Variants in SLC35F1 observed in about 807,000 individuals in gnomAD.
SLC35F1 encodes the protein chromosome 6 open reading frame 169.
Under a neutral mutation model 48.7 loss-of-function variants are expected in SLC35F1, and 14 were observed. The observed-to-expected ratio is 0.29, with a 90% confidence interval of 0.19 to 0.45. SLC35F1 has a LOEUF of 0.45. SLC35F1 is among the 20% of genes least tolerant of loss of function. SLC35F1 has a pLI of 1.00. For missense variants in SLC35F1, 404 were observed against 500.0 expected (o/e 0.81, Z 1.83); for synonymous variants, 190 against 202.2 (o/e 0.94, Z 0.51).
chr6:118,270,136 C>T (rs376995126), intron 4 of SLC35F1, among the ~76,000 whole-genome samples: 1 of 152,252 alleles, frequency 6.6e-6, no homozygotes, highest in Non-Finnish European at 1.5e-5. Flanking sequence ...GTTTCATCTT[C>T]GTTTGGGATT....
At chr6:117,917,000 T>C (rs181507516) in intron 1 of SLC35F1, among the ~76,000 whole-genome samples, 1 of 152,164 alleles carries the variant, frequency 6.6e-6, no homozygotes, top group Admixed American at 6.5e-5. Context: ...AATAAAAACA[T>C]GAAAAAGGTA....
Position 118,144,615 on chromosome 6 carries a change from A to G in SLC35F1, c.174-9830A>G, listed in dbSNP as rs538405930. On this transcript the variant is annotated intron_variant, in intron 1 of 7. Transcript: ENST00000360388. The stretch of plus-strand genomic sequence containing the variant: ...AAAAAAAAAAAATTGAAAATGTTAA[A>G]AAAAAAAAAAACCTTACCTTGTCAG... Among the ~76,000 whole-genome samples, 155 of 127,572 alleles carry G rather than the reference A, an allele frequency of 1.2e-3. 1 individual carries two copies. The East Asian group carries it at 0.042, about 35-fold the overall frequency. The allele number at this position is 127,572 out of a possible 152,430, so 83.7% of individuals were successfully genotyped here.
intron 4 of SLC35F1, among the ~76,000 whole-genome samples, chr6:118,268,718 C>T (rs182412533): frequency 4.9e-4 from 73 of 149,778 alleles, no homozygotes; most frequent in African/African-American, 1.6e-3. Context: ...CAAGTGATTC[C>T]CCTGCCTCAG....
chr6:118,235,373 T>C, intron 2 of SLC35F1, 136 bp from the exon 3 acceptor site: 2 of 893,284 alleles, frequency 2.2e-6, no homozygotes, highest in Non-Finnish European at 3.2e-6. Context: ...ATCTGATACG[T>C]TGATTTATTT....
chr6:118,089,210 G>A (rs747435301), intron 1 of SLC35F1, among the ~76,000 whole-genome samples: 11 of 152,216 alleles, frequency 7.2e-5, no homozygotes, highest in Non-Finnish European at 8.8e-5. Flanking sequence ...ACTAATATGC[G>A]GAAGACTCAG....
chr6:118,123,276 C>T (rs939772504), intron 1 of SLC35F1, among the ~76,000 whole-genome samples: 8 of 152,148 alleles, frequency 5.3e-5, no homozygotes, highest in African/African-American at 1.4e-4. Context: ...AACAGTCTCA[C>T]TTTTGCCTAA....
At chr6:118,166,954 G>A (rs1203620939) in intron 2 of SLC35F1, among the ~76,000 whole-genome samples, 1 of 152,126 alleles carries the variant, frequency 6.6e-6, no homozygotes, top group Non-Finnish European at 1.5e-5. Context: ...CTTCCAGAAG[G>A]CTCCAAACTG....
At chr6:118,303,615 G>A (rs1284738560) in intron 7 of SLC35F1, among the ~76,000 whole-genome samples, 1 of 152,184 alleles carries the variant, frequency 6.6e-6, no homozygotes, top group Non-Finnish European at 1.5e-5. Flanking sequence ...GCTTCTCTGA[G>A]GGGTTGGTGT....
intron 1 of SLC35F1, among the ~76,000 whole-genome samples, chr6:117,994,937 C>T (rs952591202): frequency 2.0e-5 from 3 of 152,148 alleles, no homozygotes; most frequent in Non-Finnish European, 4.4e-5. Context: ...ATGCCAATGC[C>T]TTATCACTCA....
chr6:118,034,196 CT>C (rs1042162084), intron 1 of SLC35F1, among the ~76,000 whole-genome samples: 1 of 151,930 alleles, frequency 6.6e-6, no homozygotes, highest in Non-Finnish European at 1.5e-5. Flanking sequence ...GTCACTGTTA[CT>C]TTTTTTTAAA....
At chr6:117,918,861 T>G (rs1211190971) in intron 1 of SLC35F1, among the ~76,000 whole-genome samples, 1 of 151,718 alleles carries the variant, frequency 6.6e-6, no homozygotes, top group Non-Finnish European at 1.5e-5. Flanking sequence ...GAGTGGGGTA[T>G]GAGAGAGAGA....
At chr6:118,286,197 C>T (rs1228926185) in intron 7 of SLC35F1, among the ~76,000 whole-genome samples, 1 of 152,114 alleles carries the variant, frequency 6.6e-6, no homozygotes, top group Non-Finnish European at 1.5e-5. Context: ...ACTTGGATAG[C>T]TGAAAGAAGA....
chr6:117,915,026 A>G (rs1357511294), intron 1 of SLC35F1, among the ~76,000 whole-genome samples: 3 of 152,256 alleles, frequency 2.0e-5, no homozygotes, highest in African/African-American at 2.4e-5. Context: ...GGTCCTTGCC[A>G]TGTAACTCAA....
At chr6:118,150,895 CT>C (rs750164054) in intron 1 of SLC35F1, among the ~76,000 whole-genome samples, 1 of 152,100 alleles carries the variant, frequency 6.6e-6, no homozygotes, top group Non-Finnish European at 1.5e-5. Context: ...TCACCATTTC[CT>C]TTTCACTTAG....
intron 1 of SLC35F1, among the ~76,000 whole-genome samples, chr6:118,061,582 G>C (rs1438758661): frequency 3.2e-5 from 3 of 93,334 alleles, no homozygotes; most frequent in Non-Finnish European, 5.0e-5. Flanking sequence ...TTGTGTGTGT[G>C]TGTGTGTGTA....
intron 1 of SLC35F1, among the ~76,000 whole-genome samples, chr6:118,047,164 TGCTGTTTCCTAC>T (rs1264695083): frequency 2.0e-5 from 3 of 152,180 alleles, no homozygotes; most frequent in Non-Finnish European, 2.9e-5. Context: ...TGAAACTTTC[TGCTGTTTCCTAC>T]GCCATCAATT....
chr6:118,149,361 A>G (rs562027795), intron 1 of SLC35F1, among the ~76,000 whole-genome samples: 3 of 152,338 alleles, frequency 2.0e-5, no homozygotes, highest in South Asian at 4.1e-4. Context: ...CAGAGAGAGC[A>G]GGGAGAACAT....
At chr6:118,237,719 A>T (rs1775383884) in intron 3 of SLC35F1, among the ~76,000 whole-genome samples, 1 of 152,176 alleles carries the variant, frequency 6.6e-6, no homozygotes, top group Non-Finnish European at 1.5e-5. Context: ...GATAGTTATA[A>T]TGTCCTTCAT....
intron 1 of SLC35F1, among the ~76,000 whole-genome samples, chr6:117,936,088 C>T (rs543828030): frequency 5.9e-5 from 9 of 152,262 alleles, no homozygotes; most frequent in African/African-American, 2.2e-4. Context: ...TGTATGTGCT[C>T]ATTGCTGTAT....
Sources: gnomAD v4.1 joint callset for allele counts (sites outside exome capture counted in the v4.1 genomes callset) on GRCh38, gnomAD v4.1.1 for gene constraint, MANE v1.5 for transcripts, NCBI Gene and HGNC (gene_info 2026-07-23, HGNC 2026-07-21) for gene names.